Variants in CFAP251 observed in about 807,000 individuals in gnomAD.
CFAP251 encodes cilia- and flagella-associated protein 251.
CFAP251 carries 93 observed loss-of-function variants against 126.7 expected under a neutral mutation model. The ratio of observed to expected loss-of-function variants is 0.73; its 90% CI spans 0.62 to 0.87. CFAP251 has a LOEUF of 0.87. Ranked by LOEUF, CFAP251 falls within the 40% of genes least tolerant of loss-of-function variation. CFAP251 has a pLI of 0.00. For synonymous variants in CFAP251, 503 were observed against 506.9 expected, an observed-to-expected ratio of 0.99 and a Z score of 0.10; for missense variants, 1,287 against 1,389.2, an observed-to-expected ratio of 0.93 and a Z score of 1.17.
chr12:121,962,698 A>AG (rs2135786592), intron 15 of CFAP251, among the ~76,000 whole-genome samples: 3 of 76,526 alleles, frequency 3.9e-5, no homozygotes, highest in African/African-American at 1.0e-4. Context: ...TGTGCAAAGA[A>AG]GAAAAAAAAA....
At chr12:121,957,372 C>A in intron 11 of CFAP251, 104 bp downstream of exon 11, 1 of 1,182,192 alleles carries the variant, frequency 8.5e-7, no homozygotes, top group Non-Finnish European at 1.2e-6. Context: ...GGATATCTCC[C>A]TGGCTGATTG....
At chr12:121,965,378 T>C (rs887055150) in intron 15 of CFAP251, among the ~76,000 whole-genome samples, 13 of 152,346 alleles carry the variant, frequency 8.5e-5, no homozygotes, top group African/African-American at 3.1e-4. Context: ...GAAAGCAATT[T>C]GTCACCCTCT....
At chr12:121,959,410 T>C in intron 13 of CFAP251, 1 of 217,886 alleles carries the variant, frequency 4.6e-6, no homozygotes, top group Non-Finnish European at 9.1e-6. Context: ...TATGTTGGTC[T>C]GCCTTTATGT....
intron 15 of CFAP251, among the ~76,000 whole-genome samples, chr12:121,963,908 T>C (rs1306496421): frequency 6.6e-6 from 1 of 151,826 alleles, no homozygotes; most frequent in African/African-American, 2.4e-5. Context: ...GGAGGGGAGC[T>C]TCTGCCTTTG....
In CFAP251 at chr12:121,957,100, G is replaced by A; in HGVS notation, c.1562G>A (p.Gly521Glu). Residue 521 changes from glycine to glutamate, a missense_variant, in exon 11 of 22, where the codon GGG (glycine) becomes GAG (glutamate). Coordinates refer to ENST00000288912, the MANE Select transcript of CFAP251 (RefSeq NM_144668.6). The part of the protein sequence containing the change: ...DSYIVTGDIK[G>E]NIKFYDHTLS... Reference sequence around the variant, plus strand: ...TACATTGTCACAGGTGACATTAAGGGGAACATTAAGTTCTATGATCACACC... The same window carrying A: ...TACATTGTCACAGGTGACATTAAGGAGAACATTAAGTTCTATGATCACACC... The A allele has an allele frequency of 6.3e-7, 1 of 1,599,802 alleles. No homozygotes were observed. Among genetic ancestry groups the A allele is most frequent in the Non-Finnish European group, 8.5e-7 (1 of 1,174,954 alleles).
chr12:121,961,237 TCCTC>T (rs777992498), intron 14 of CFAP251, among the ~76,000 whole-genome samples: 27 of 151,740 alleles, frequency 1.8e-4, no homozygotes, highest in Non-Finnish European at 2.8e-4. Context: ...TGTTTTTCCT[TCCTC>T]CCTCCCTCCC....
rs144429833 is a variant in CFAP251 at position 121,999,509 on chromosome 12, T to C, written c.3007-207T>C. 735 of 429,466 alleles carry C rather than the reference T, an allele frequency of 1.7e-3. 6 individuals carry two copies. The highest frequency in any genetic ancestry group is 0.014 in the African/African-American group (702 of 50,330). 26.6% of individuals were successfully genotyped at this position (429,466 alleles called of 1,614,324 possible). ...TCATACTGTGCCAGGCTAATTTTTG[T>C]ATTTTTAGTAGAGACAGGGTTTCAC... On this transcript the variant is annotated intron_variant, in intron 19 of 21. Coordinates refer to ENST00000288912, the MANE Select transcript of CFAP251 (RefSeq NM_144668.6).
Position 121,934,297 on chromosome 12 carries a change from G to A in CFAP251, c.939G>A (p.Trp313Ter). ...TCTGCGTCAGTGAAGACAGGCGGTGGATCGCCACAGCAGACAAAGGGCCAG... is the reference window on the plus strand; with the variant it reads ...TCTGCGTCAGTGAAGACAGGCGGTGAATCGCCACAGCAGACAAAGGGCCAG... ...SCLCVSEDRR[W>*]IATADKGPDC... is the part of the protein sequence containing the mutation. The change falls in exon 5 of 22, where the codon TGG becomes TGA. Residue 313 changes from tryptophan to a stop codon, truncating the protein, a stop_gained. Transcript: ENST00000288912. LOFTEE classifies it high-confidence loss of function. 1 of 1,614,108 alleles carries A rather than the reference G, an allele frequency of 6.2e-7. No individual in the cohort carries two copies. The highest frequency in any genetic ancestry group is 1.1e-5 in the South Asian group (1 of 91,070).
chr12:121,932,048 T>C, intron 4 of CFAP251, 162 bp downstream of exon 4: 2 of 553,948 alleles, frequency 3.6e-6, no homozygotes, highest in Non-Finnish European at 5.6e-6. Flanking sequence ...ATGGTATTGT[T>C]TATTGTCTCT....
chr12:121,969,152 A>G (rs1882250792), intron 17 of CFAP251: 2 of 985,278 alleles, frequency 2.0e-6, no homozygotes, highest in Non-Finnish European at 2.4e-6. Flanking sequence ...CTGCCAGCAC[A>G]GTGTACCCCC....
intron 7 of CFAP251, among the ~76,000 whole-genome samples, chr12:121,947,243 G>C (rs1881356742): frequency 6.6e-6 from 1 of 152,044 alleles, no homozygotes; most frequent in Non-Finnish European, 1.5e-5. Flanking sequence ...TTGTTAAACT[G>C]TCTATTAAGC....
intron 7 of CFAP251, among the ~76,000 whole-genome samples, chr12:121,943,512 T>C (rs533453756): frequency 6.6e-6 from 1 of 151,950 alleles, no homozygotes; most frequent in South Asian, 2.1e-4. Context: ...AACCTCTGCC[T>C]CCCAGGTTCA....
At chr12:121,969,668 T>G in intron 17 of CFAP251, 6 of 878,862 alleles carry the variant, frequency 6.8e-6, no homozygotes, top group South Asian at 5.2e-5. Flanking sequence ...AAAAAATTTT[T>G]TTTGTCGATA....
intron 19 of CFAP251, among the ~76,000 whole-genome samples, chr12:121,979,644 A>C (rs1448820425): frequency 1.5e-5 from 2 of 133,980 alleles, no homozygotes; most frequent in Non-Finnish European, 3.1e-5. Flanking sequence ...AGTTTACTGC[A>C]ATCTCCGCCT....
In CFAP251 at chr12:121,989,693, G is replaced by T. The variant is rs1419143720; in HGVS notation, c.3007-10023G>T. On this transcript the variant is annotated intron_variant, in intron 19 of 21. Coordinates refer to ENST00000288912, the MANE Select transcript of CFAP251 (RefSeq NM_144668.6). The surrounding 1 kb of genome is among the most constrained non-coding windows in gnomAD (Gnocchi z 4.2). ...CCATTAGTTGAGAATGTTCTAGAGG[G>T]TATTGTGCGTTGGGAAGAGGGCGTG... 6.6e-6 allele frequency among the ~76,000 whole-genome samples: 1 copy of T among 152,176 alleles called. No homozygotes were observed. The highest frequency in any genetic ancestry group is 6.5e-5 in the Admixed American group (1 of 15,278).
At chr12:121,931,388 C>T in intron 3 of CFAP251, among the ~76,000 whole-genome samples, 1 of 150,826 alleles carries the variant, frequency 6.6e-6, no homozygotes, top group Non-Finnish European at 1.5e-5. Flanking sequence ...TCTCGGCTCA[C>T]TGCAACCTCC....
Position 121,945,327 on chromosome 12 carries a change from G to C in CFAP251, c.1191+2352G>C, listed in dbSNP as rs569503975. On this transcript the variant is annotated intron_variant, in intron 7 of 21. Coordinates refer to ENST00000288912, the MANE Select transcript of CFAP251 (RefSeq NM_144668.6). ...CTGTTTTTTTTGTTGTTGTTGTTTT[G>C]TTTTCTTTTCTTTTCTTTTCTTTTC... Among the ~76,000 whole-genome samples, 749 of 150,672 alleles carry C rather than the reference G, an allele frequency of 5.0e-3. 4 individuals are homozygous for C. Among genetic ancestry groups the C allele is most frequent in the East Asian group, 0.01 (52 of 5,162 alleles).
At position 121,920,490 on chromosome 12, in the gene CFAP251, G is replaced by A. The variant is rs190802218; in HGVS notation, c.-20-796G>A. Among the ~76,000 whole-genome samples, 120 of 150,590 alleles carry A rather than the reference G, an allele frequency of 8.0e-4. 2 individuals are homozygous for A. The East Asian group carries it at 0.022, about 28-fold the overall frequency. On this transcript the variant is annotated intron_variant, in intron 1 of 21. Coordinates refer to ENST00000288912, the MANE Select transcript of CFAP251 (RefSeq NM_144668.6). Reference sequence around the variant, plus strand: ...CGGCTCACTGCAAGCTCCGCCTCCCGGGTTCACACCATTCTCCTGCCTCAG... The same window carrying A: ...CGGCTCACTGCAAGCTCCGCCTCCCAGGTTCACACCATTCTCCTGCCTCAG...
chr12:121,992,310 G>C, intron 19 of CFAP251: 1 of 985,440 alleles, frequency 1.0e-6, no homozygotes, highest in Non-Finnish European at 1.2e-6. Context: ...GGCTCAGGAA[G>C]GAAATGTCAG....
Sources: gnomAD v4.1 joint callset for allele counts (sites outside exome capture counted in the v4.1 genomes callset) on GRCh38, gnomAD v4.1.1 for gene constraint, Gnocchi (gnomAD v3.1) non-coding constraint, MANE v1.5 for transcripts, NCBI Gene and HGNC (gene_info 2026-07-23, HGNC 2026-07-21) for gene names.